The following DPP6 variants were observed in gnomAD, a reference collection of about 807,000 sequenced individuals.
DPP6 encodes A-type potassium channel modulatory protein DPP6.
Under a neutral mutation model 122.6 loss-of-function variants are expected in DPP6, and 69 were observed. That is an observed-to-expected ratio of 0.56 (90% CI 0.46 to 0.69). The LOEUF (loss-of-function observed/expected upper bound fraction) is 0.69. Among genes scored for constraint, DPP6 ranks in the 30% least tolerant of loss-of-function variants. DPP6 has a pLI of 0.00. For synonymous variants in DPP6, 418 were observed against 433.1 expected (o/e 0.97, Z 0.43); for missense variants, 928 against 1,116.9 (o/e 0.83, Z 2.41).
chr7:154,539,267 C>G (rs76021291), intron 3 of DPP6, among the ~76,000 whole-genome samples: 4,973 of 152,284 alleles, frequency 0.033, 273 homozygotes, highest in African/African-American at 0.11. Flanking sequence ...TTTTCTTACT[C>G]TCTTCTAAGG....
At chr7:154,060,112 AG>A (rs1285174192) in intron 1 of DPP6, among the ~76,000 whole-genome samples, 3 of 139,050 alleles carry the variant, frequency 2.2e-5, no homozygotes, top group African/African-American at 5.5e-5. Flanking sequence ...AATCCTCCCG[AG>A]GCGGGACTGC....
At chr7:154,321,670 A>G (rs1807968747) in intron 1 of DPP6, among the ~76,000 whole-genome samples, 1 of 150,578 alleles carries the variant, frequency 6.6e-6, no homozygotes, top group Non-Finnish European at 1.5e-5. Flanking sequence ...CTGTAATCCC[A>G]GCTACACAGG....
intron 1 of DPP6, chr7:154,059,597 G>A (rs909209862): frequency 6.7e-6 from 1 of 148,470 alleles, no homozygotes; most frequent in Admixed American, 6.6e-5. Context: ...TATGAGCAAA[G>A]CCTTTGTATG....
chr7:154,058,890 TG>T (rs1305992294), intron 1 of DPP6: 1 of 133,176 alleles, frequency 7.5e-6, no homozygotes, highest in Non-Finnish European at 1.6e-5. Flanking sequence ...CCTACGAGAG[TG>T]GGGACTGAGA....
intron 1 of DPP6, among the ~76,000 whole-genome samples, chr7:154,062,645 A>C (rs1180048809): frequency 1.9e-5 from 1 of 51,558 alleles, no homozygotes; most frequent in African/African-American, 1.3e-4. Flanking sequence ...CCCCCATCGC[A>C]GGAGGGGGAG....
intron 1 of DPP6, among the ~76,000 whole-genome samples, chr7:154,093,407 A>T (rs1048124950): frequency 1.3e-4 from 19 of 144,464 alleles, no homozygotes; most frequent in Non-Finnish European, 2.1e-4. Context: ...TACATACCAC[A>T]TCCTACACAC....
chr7:154,650,723 G>A (rs1836824817), intron 6 of DPP6, among the ~76,000 whole-genome samples: 1 of 152,104 alleles, frequency 6.6e-6, no homozygotes, highest in Non-Finnish European at 1.5e-5. Context: ...TGCCACTGTG[G>A]CCACAGCACT....
intron 1 of DPP6, among the ~76,000 whole-genome samples, chr7:153,919,425 T>C (rs1800529723): frequency 6.6e-6 from 1 of 152,190 alleles, no homozygotes; most frequent in South Asian, 2.1e-4. Flanking sequence ...CTTGGCCTCA[T>C]GCATGTGAGT....
intron 4 of DPP6, among the ~76,000 whole-genome samples, chr7:154,543,485 A>C (rs1224159297): frequency 6.6e-6 from 1 of 152,206 alleles, no homozygotes; most frequent in Non-Finnish European, 1.5e-5. Flanking sequence ...AAATCACTGC[A>C]AACATTTTGT....
chr7:154,779,600 G>GTAT (rs1262461870), intron 10 of DPP6, among the ~76,000 whole-genome samples: 3 of 152,192 alleles, frequency 2.0e-5, no homozygotes, highest in Admixed American at 2.0e-4. Flanking sequence ...CACGCCTACT[G>GTAT]TATTTCCCTT....
chr7:153,989,146 C>A (rs1396023539), intron 1 of DPP6, among the ~76,000 whole-genome samples: 8 of 146,416 alleles, frequency 5.5e-5, no homozygotes, highest in Non-Finnish European at 1.0e-4. Flanking sequence ...TGTGCAGCAC[C>A]GGGTGTGAGT....
At chr7:154,660,534 G>C (rs188194537) in intron 6 of DPP6, among the ~76,000 whole-genome samples, 11 of 124,650 alleles carry the variant, frequency 8.8e-5, no homozygotes, top group African/African-American at 1.4e-4. Flanking sequence ...GCATATTGGC[G>C]CTAGTGTTCA....
chr7:154,579,912 C>T (rs1386805904), intron 5 of DPP6, among the ~76,000 whole-genome samples: 1 of 152,126 alleles, frequency 6.6e-6, no homozygotes, highest in Non-Finnish European at 1.5e-5. Flanking sequence ...AGTAGGCTAA[C>T]CTCCGTGCAC....
chr7:154,128,996 A>G (rs893643058), intron 1 of DPP6, among the ~76,000 whole-genome samples: 4 of 152,130 alleles, frequency 2.6e-5, no homozygotes, highest in African/African-American at 9.7e-5. Context: ...TGAGCTTTGC[A>G]TCTTCTCTAC....
chr7:154,787,792 A>G (rs1043953415), intron 10 of DPP6, among the ~76,000 whole-genome samples: 1 of 152,184 alleles, frequency 6.6e-6, no homozygotes, highest in Admixed American at 6.5e-5. Context: ...GTTCTTTCCA[A>G]ACTGATCACC....
intron 5 of DPP6, 50 bp from the exon 6 acceptor site, chr7:154,637,770 GT>G: frequency 6.6e-7 from 1 of 1,520,774 alleles, no homozygotes. Context: ...AAATATCATC[GT>G]AACAGCCTTT....
intron 1 of DPP6, among the ~76,000 whole-genome samples, chr7:154,124,067 C>T (rs982042918): frequency 6.6e-6 from 1 of 151,676 alleles, no homozygotes; most frequent in Non-Finnish European, 1.5e-5. Flanking sequence ...AGATGTGCCA[C>T]CCACTCACTA....
At chr7:154,324,970 C>T (rs1415074481) in intron 1 of DPP6, among the ~76,000 whole-genome samples, 1 of 147,140 alleles carries the variant, frequency 6.8e-6, no homozygotes, top group Non-Finnish European at 1.5e-5. Flanking sequence ...AAGCGGTTCT[C>T]CTGCCTCACT....
the DPP6 span, among the ~76,000 whole-genome samples, chr7:153,837,837 A>ATTTTTTTTTTTTTTTTTTTTT: frequency 7.1e-4 from 57 of 80,638 alleles, 4 homozygotes; most frequent in Non-Finnish European, 1.0e-3. Flanking sequence ...TGCCTGGTTA[A>ATTTTTTTTTTTTTTTTTTTTT]TTTTTTTTTT....
Sources: allele counts gnomAD v4.1 joint callset (sites outside exome capture counted in the v4.1 genomes callset), GRCh38; gene constraint gnomAD v4.1.1; transcripts MANE v1.5; gene names NCBI Gene and HGNC (gene_info 2026-07-23, HGNC 2026-07-21).